KIAA0753: variants seen among roughly 807,000 people sequenced by gnomAD.
The protein encoded by KIAA0753 is protein moonraker.
In KIAA0753, 114 loss-of-function variants were observed where a neutral mutation model predicts 116.9. That is an observed-to-expected ratio of 0.98 (90% CI 0.84 to 1.14). The LOEUF (loss-of-function observed/expected upper bound fraction) is 1.14, where lower values mean the gene tolerates loss of function less well. Among genes scored for constraint, KIAA0753 ranks in the 50% most tolerant of loss-of-function variants. The pLI, the probability that KIAA0753 is intolerant of heterozygous loss-of-function variation, is 0.00. For synonymous variants in KIAA0753, 405 were observed against 413.1 expected (o/e 0.98, Z 0.24); for missense variants, 1,156 against 1,172.4 (o/e 0.99, Z 0.20).
chr17:6,617,201 TCA>T (rs923422407), intron 7 of KIAA0753, among the ~76,000 whole-genome samples: 4 of 152,154 alleles, frequency 2.6e-5, no homozygotes, highest in African/African-American at 7.2e-5. Flanking sequence ...TTACACTTCT[TCA>T]CAGAGTCTTT....
intron 14 of KIAA0753, among the ~76,000 whole-genome samples, chr17:6,599,001 A>C (rs1969666661): frequency 6.6e-6 from 1 of 152,256 alleles, no homozygotes; most frequent in African/African-American, 2.4e-5. Flanking sequence ...GGAAGGATAG[A>C]GCCACTAACA....
chr17:6,590,717 G>T, intron 16 of KIAA0753, 87 bp from the exon 17 acceptor site: 1 of 1,450,078 alleles, frequency 6.9e-7, no homozygotes, highest in Non-Finnish European at 9.6e-7. Flanking sequence ...GAACCTGAGA[G>T]CAAGTTACAT....
intron 7 of KIAA0753, among the ~76,000 whole-genome samples, chr17:6,617,446 T>C (rs1971007060): frequency 6.6e-6 from 1 of 152,204 alleles, no homozygotes; most frequent in Non-Finnish European, 1.5e-5. Context: ...TTTATTGTAA[T>C]ATAATAAAAA....
rs376250876 is a variant in KIAA0753, at chr17:6,594,998, C to T, written c.2414G>A (p.Arg805Gln). The change falls in exon 16 of 19, where the codon CGA becomes CAA. Residue 805 changes from arginine to glutamine, a missense_variant. Coordinates refer to ENST00000361413, the MANE Select transcript of KIAA0753 (RefSeq NM_014804.3). ...ATTGTTTTCTTCCTGCATCCAAAGT[C>T]GAGGATCAGCATATGCGATTTTATT... ...RYNKIAYADP[R>Q]LWMQEENNDQ... 18 of 1,611,720 alleles carry T rather than the reference C, an allele frequency of 1.1e-5. No individual in the cohort carries two copies. Among genetic ancestry groups the T allele is most frequent in the Non-Finnish European group, 1.4e-5 (17 of 1,178,594 alleles).
intron 18 of KIAA0753, among the ~76,000 whole-genome samples, chr17:6,582,856 T>C (rs1968282027): frequency 6.6e-6 from 1 of 152,182 alleles, no homozygotes; most frequent in South Asian, 2.1e-4. Flanking sequence ...TGCAAGAACC[T>C]TAGAATACGA....
chr17:6,609,414 T>C (rs1188863645), intron 9 of KIAA0753, among the ~76,000 whole-genome samples: 2 of 152,188 alleles, frequency 1.3e-5, no homozygotes, highest in African/African-American at 4.8e-5. Flanking sequence ...CTCTTCTCTC[T>C]AGCCCTGTGA....
intron 4 of KIAA0753, chr17:6,623,905 C>G (rs548206034): frequency 5.0e-6 from 1 of 198,082 alleles, no homozygotes; most frequent in African/African-American, 2.4e-5. Flanking sequence ...TAGCTTTCAT[C>G]CTCTAAGTTA....
At chr17:6,634,699 G>A in intron 2 of KIAA0753, 1 of 226,064 alleles carries the variant, frequency 4.4e-6, no homozygotes, top group African/African-American at 2.2e-5. Context: ...ACTGGTTATT[G>A]GATAACAGGG....
intron 2 of KIAA0753, among the ~76,000 whole-genome samples, chr17:6,630,919 A>G (rs1229808925): frequency 6.6e-6 from 1 of 152,250 alleles, no homozygotes; most frequent in East Asian, 1.9e-4. Context: ...GTGCAAAAAG[A>G]AACAGAAAAC....
chr17:6,603,002 G>A (rs764714692), intron 12 of KIAA0753, among the ~76,000 whole-genome samples: 54 of 152,092 alleles, frequency 3.6e-4, no homozygotes, highest in Non-Finnish European at 5.7e-4. Flanking sequence ...AAGGACAGGC[G>A]ACCACTAAGT....
chr17:6,596,813 G>A (rs573072885), intron 14 of KIAA0753, among the ~76,000 whole-genome samples: 1 of 152,294 alleles, frequency 6.6e-6, no homozygotes, highest in South Asian at 2.1e-4. Flanking sequence ...TCATCTGGGA[G>A]AGCTCTACCA....
At chr17:6,606,626 T>G (rs778405564) in intron 12 of KIAA0753, among the ~76,000 whole-genome samples, 5 of 152,214 alleles carry the variant, frequency 3.3e-5, no homozygotes, top group Non-Finnish European at 5.9e-5. Flanking sequence ...CAAATACACA[T>G]AAGACTCTGA....
chr17:6,587,593 A>G (rs1968673438), intron 18 of KIAA0753, among the ~76,000 whole-genome samples: 1 of 152,234 alleles, frequency 6.6e-6, no homozygotes, highest in Non-Finnish European at 1.5e-5. Flanking sequence ...GCGCGTGTTA[A>G]CAAAAGGAAG....
At chr17:6,599,773 C>T (rs1487171649) in intron 13 of KIAA0753, among the ~76,000 whole-genome samples, 22 of 152,120 alleles carry the variant, frequency 1.4e-4, no homozygotes, top group Admixed American at 1.3e-3. Context: ...AGTTCAGTGG[C>T]CTGTTTAGGG....
At chr17:6,594,564 T>C (rs1326502007) in intron 16 of KIAA0753, among the ~76,000 whole-genome samples, 1 of 152,200 alleles carries the variant, frequency 6.6e-6, no homozygotes, top group East Asian at 1.9e-4. Flanking sequence ...ATGAGGGAAC[T>C]TTCTGAGGTG....
At chr17:6,579,890 G>C in intron 18 of KIAA0753, 26 bp from the exon 19 acceptor site, 1 of 1,580,550 alleles carries the variant, frequency 6.3e-7, no homozygotes, top group Non-Finnish European at 8.7e-7. Flanking sequence ...CACAACTAAA[G>C]GTATGTACAA....
intron 2 of KIAA0753, among the ~76,000 whole-genome samples, chr17:6,633,403 T>A (rs1972122683): frequency 6.6e-6 from 1 of 152,198 alleles, no homozygotes; most frequent in Non-Finnish European, 1.5e-5. Flanking sequence ...TTGGCAAAGA[T>A]GTGGAGCAAC....
intron 18 of KIAA0753, among the ~76,000 whole-genome samples, chr17:6,582,340 T>G (rs1471515187): frequency 6.6e-6 from 1 of 152,258 alleles, no homozygotes; most frequent in Non-Finnish European, 1.5e-5. Flanking sequence ...TATGATTATA[T>G]TATTTATTTG....
chr17:6,609,534 A>G (rs1422726058), intron 9 of KIAA0753, among the ~76,000 whole-genome samples: 1 of 152,234 alleles, frequency 6.6e-6, no homozygotes, highest in Non-Finnish European at 1.5e-5. Flanking sequence ...AGATCTATAT[A>G]GTTTTATAGT....
Sources: gnomAD v4.1 joint callset for allele counts (sites outside exome capture counted in the v4.1 genomes callset) on GRCh38, gnomAD v4.1.1 for gene constraint, MANE v1.5 for transcripts, NCBI Gene and HGNC (gene_info 2026-07-23, HGNC 2026-07-21) for gene names.